The following ZNF512 variants were observed in gnomAD, a reference collection of about 807,000 sequenced individuals.
The protein encoded by ZNF512 is zinc finger protein 512.
A neutral mutation model predicts 77.5 loss-of-function variants in ZNF512; 25 were observed. The ratio of observed to expected loss-of-function variants is 0.32; its 90% CI spans 0.23 to 0.45. ZNF512 has a LOEUF of 0.45. Among genes scored for constraint, ZNF512 ranks in the 20% least tolerant of loss-of-function variants. The pLI is 1.00. For synonymous variants in ZNF512, 246 were observed against 239.9 expected (o/e 1.03, Z -0.24); for missense variants, 483 against 692.6 (o/e 0.70, Z 3.40).
chr2:27,587,757 C>T (rs575413255), intron 2 of ZNF512, among the ~76,000 whole-genome samples: 93 of 152,068 alleles, frequency 6.1e-4, no homozygotes, highest in African/African-American at 2.0e-3. Context: ...TCTCGGCTCA[C>T]TGCAACCTCC....
chr2:27,613,437 A>G (rs927242139), intron 10 of ZNF512, among the ~76,000 whole-genome samples: 17 of 151,820 alleles, frequency 1.1e-4, no homozygotes, highest in African/African-American at 3.4e-4. Flanking sequence ...CGGAGGTTGC[A>G]TTGAGCCAAG....
chr2:27,592,667 C>CTTTTTTTTTTTTTT lies in ZNF512; in HGVS notation c.90-5383_90-5370dup, dbSNP rs139890307. Among the ~76,000 whole-genome samples, 12 of 81,558 alleles carry CTTTTTTTTTTTTTT rather than the reference C, an allele frequency of 1.5e-4. 1 individual carries two copies. The highest frequency in any genetic ancestry group is 2.8e-4 in the Non-Finnish European group (12 of 42,734). The allele number at this position is 81,558 out of a possible 152,430, so 53.5% of individuals were successfully genotyped here. ...TACCCATATAATTTACCATGTTTAC[C>CTTTTTTTTTTTTTT]TTTTTTTTTTTTTTTTTTTTTTTTT... On this transcript the variant is annotated intron_variant, in intron 2 of 13. Coordinates refer to ENST00000355467, the MANE Select transcript of ZNF512 (RefSeq NM_032434.4).
At chr2:27,610,291 G>C (rs1477123602) in intron 10 of ZNF512, among the ~76,000 whole-genome samples, 3 of 149,196 alleles carry the variant, frequency 2.0e-5, no homozygotes, top group Non-Finnish European at 3.0e-5. Context: ...TTGAACCCGG[G>C]GGGCAGAGGT....
At chr2:27,601,803 C>A (rs1433154166) in intron 7 of ZNF512, among the ~76,000 whole-genome samples, 1 of 152,226 alleles carries the variant, frequency 6.6e-6, no homozygotes, top group Non-Finnish European at 1.5e-5. Flanking sequence ...CATGCACCAC[C>A]ACACCTGGCT....
intron 2 of ZNF512, 97 bp downstream of exon 2, chr2:27,583,813 C>T: frequency 7.4e-7 from 1 of 1,357,556 alleles, no homozygotes; most frequent in Non-Finnish European, 1.0e-6. Context: ...TCTGCATTGT[C>T]CAGTATCATA....
At chr2:27,610,213 A>T (rs1672551974) in intron 10 of ZNF512, among the ~76,000 whole-genome samples, 1 of 148,090 alleles carries the variant, frequency 6.8e-6, no homozygotes, top group South Asian at 2.2e-4. Flanking sequence ...AAATACAAAA[A>T]ATTAGCTGGG....
In ZNF512 at chr2:27,599,645, C is replaced by G; in HGVS notation, c.340C>G (p.Arg114Gly). The G allele has an allele frequency of 1.2e-6, 2 of 1,614,148 alleles. No homozygotes were observed. The highest frequency in any genetic ancestry group is 1.1e-5 in the South Asian group (1 of 91,090). The change falls in exon 4 of 14, where the codon CGA (arginine) becomes GGA (glycine). Residue 114 changes from arginine to glycine, a missense_variant. Physicochemically the swap from Arg to Gly is moderately radical, Grantham distance 125. Transcript: ENST00000355467. ...CAGGCAGGAAGAAGATGAAGACTAT[C>G]GAGAATTTCCTCAGAAGAAGCATAA... ...KPRQEEDEDY[R>G]EFPQKKHKLY... is the part of the protein sequence containing the mutation.
At chr2:27,606,236 CT>C (rs201180215) in intron 9 of ZNF512, among the ~76,000 whole-genome samples, 1 of 150,458 alleles carries the variant, frequency 6.6e-6, no homozygotes, top group Admixed American at 6.6e-5. Context: ...AGTTCTTTAT[CT>C]TTTTTTTAAC....
chr2:27,617,437 A>G (rs1213831669), intron 12 of ZNF512, 36 bp from the exon 13 acceptor site: 1 of 839,040 alleles, frequency 1.2e-6, no homozygotes, highest in Non-Finnish European at 2.1e-6. Context: ...TGCTGAATTT[A>G]CCAGTAATTC....
Position 27,621,625 on chromosome 2 carries a change from T to C in ZNF512, c.*164T>C. On this transcript the variant is annotated 3_prime_UTR_variant, in exon 14 of 14. Transcript: ENST00000355467. Reference sequence around the variant, plus strand: ...ATTTCACTGTCTTCCCTTCTTACATTTTGATTCCCCCCTCCCCTTTTAGTA... The same window carrying C: ...ATTTCACTGTCTTCCCTTCTTACATCTTGATTCCCCCCTCCCCTTTTAGTA... The C allele has an allele frequency of 2.8e-6, 2 of 713,248 alleles. No individual in the cohort carries two copies. Among genetic ancestry groups the C allele is most frequent in the Non-Finnish European group, 4.4e-6 (2 of 451,348 alleles). 44.2% of individuals were successfully genotyped at this position (713,248 alleles called of 1,614,324 possible).
chr2:27,590,437 C>T lies in ZNF512; in HGVS notation c.89+6721C>T, dbSNP rs534980379. ...CTGTTTATTTTCAATCTATAGATGT[C>T]TTTATATTTTAGAGTGTGCTTCTTG... is the stretch of plus-strand genomic sequence containing the variant. On this transcript the variant is annotated intron_variant, in intron 2 of 13. Coordinates refer to ENST00000355467, the MANE Select transcript of ZNF512 (RefSeq NM_032434.4). 4.1e-4 allele frequency among the ~76,000 whole-genome samples: 63 copies of T among 152,134 alleles called. No individual in the cohort carries two copies. The South Asian group carries it at 0.013, about 31-fold the overall frequency.
intron 9 of ZNF512, among the ~76,000 whole-genome samples, chr2:27,607,428 C>T (rs986463363): frequency 6.6e-6 from 1 of 150,708 alleles, no homozygotes; most frequent in Non-Finnish European, 1.5e-5. Context: ...AATGTAGTGG[C>T]GCAATCTTCA....
intron 2 of ZNF512, among the ~76,000 whole-genome samples, chr2:27,588,248 G>T (rs62138962): frequency 0.03 from 4,599 of 151,258 alleles, 128 homozygotes; most frequent in Non-Finnish European, 0.045. Context: ...AGAAACCTTT[G>T]CCTCCCTGGA....
Position 27,598,084 on chromosome 2 carries a change from C to T in ZNF512, c.107C>T (p.Ser36Phe). The change falls in exon 3 of 14, where the codon TCC becomes TTC. Residue 36 changes from serine to phenylalanine, a missense_variant. Coordinates refer to ENST00000355467, the MANE Select transcript of ZNF512 (RefSeq NM_032434.4). ...VGAKNSRTQC[S>F]IKDNSFQYTI... is the part of the protein sequence containing the mutation. ...TGTATTAGTAGCAGGACCCAGTGCT[C>T]CATAAAGGATAATAGTTTCCAGTAC... is the stretch of plus-strand genomic sequence containing the variant. 1 of 1,588,736 alleles carries T rather than the reference C, an allele frequency of 6.3e-7. No homozygotes were observed. Among genetic ancestry groups the T allele is most frequent in the Non-Finnish European group, 8.6e-7 (1 of 1,160,678 alleles).
intron 2 of ZNF512, among the ~76,000 whole-genome samples, chr2:27,593,031 T>A (rs1558465627): frequency 6.6e-6 from 1 of 151,586 alleles, no homozygotes; most frequent in Non-Finnish European, 1.5e-5. Flanking sequence ...CACTCCCTCA[T>A]GTCTCCCCTC....
At chr2:27,602,379 C>T in intron 7 of ZNF512, 84 bp from the exon 8 acceptor site, 1 of 1,380,718 alleles carries the variant, frequency 7.2e-7, no homozygotes, top group Non-Finnish European at 9.8e-7. Context: ...CCAGTCCAAT[C>T]CTTGATTCTC....
intron 2 of ZNF512, among the ~76,000 whole-genome samples, chr2:27,591,216 T>A (rs1278474791): frequency 6.6e-6 from 1 of 151,800 alleles, no homozygotes. Flanking sequence ...GCTTTAAAAT[T>A]TTTTTATTTT....
In ZNF512 at chr2:27,621,346, A is replaced by G. The variant is rs780376591; in HGVS notation, c.1589A>G (p.Asn530Ser). The G allele has an allele frequency of 4.3e-6, 7 of 1,614,076 alleles. No homozygotes were observed. The highest frequency in any genetic ancestry group is 1.7e-5 in the Admixed American group (1 of 60,004). ...AGAGTAGGGAAGGATCAGAGGAGGA[A>G]TAATGAGGAACTGGTAGTGTCAGCC... ...SLRVGKDQRR[N>S]NEELVVSASC... The change falls in exon 14 of 14, where the codon AAT becomes AGT. Residue 530 changes from asparagine (N) to serine (S), a missense_variant. Transcript: ENST00000355467.
intron 5 of ZNF512, among the ~76,000 whole-genome samples, chr2:27,600,471 G>A (rs1469591163): frequency 1.3e-5 from 2 of 152,144 alleles, no homozygotes; most frequent in African/African-American, 4.8e-5. Context: ...GCCGTTCTCA[G>A]GTGGTTTTTA....
Sources: allele counts gnomAD v4.1 joint callset (sites outside exome capture counted in the v4.1 genomes callset), GRCh38; gene constraint gnomAD v4.1.1; transcripts MANE v1.5; gene names NCBI Gene and HGNC (gene_info 2026-07-23, HGNC 2026-07-21).